The following FCAMR variants were observed in gnomAD, a reference collection of about 807,000 sequenced individuals.
The protein encoded by FCAMR is Fc alpha and mu receptor.
Under a neutral mutation model 52.2 loss-of-function variants are expected in FCAMR, and 51 were observed. The ratio of observed to expected loss-of-function variants is 0.98; its 90% CI spans 0.78 to 1.23. The LOEUF is 1.23. Ranked by LOEUF, FCAMR falls within the 50% of genes most tolerant of loss-of-function variation. FCAMR has a pLI of 0.00. For synonymous variants in FCAMR, 282 were observed against 262.0 expected (o/e 1.08, Z -0.74); for missense variants, 719 against 712.6 (o/e 1.01, Z -0.10).
Position 206,960,234 on chromosome 1 carries a change from C to A in FCAMR, c.1454+188G>T, listed in dbSNP as rs73072444. The stretch of plus-strand genomic sequence containing the variant: ...TATCATTTAGATATCACTTGAAAAC[C>A]ACATGGAAATACTCAGGGAGCGTTC... On this transcript the variant is annotated intron_variant, in intron 6 of 7. Coordinates refer to ENST00000324852, the MANE Select transcript of FCAMR (RefSeq NM_001170631.2). 2.1e-3 allele frequency: 1,250 copies of A among 599,226 alleles called. 19 individuals are homozygous for A. The African/African-American group carries it at 0.021, about 10-fold the overall frequency. 37.1% of individuals were successfully genotyped at this position (599,226 alleles called of 1,614,324 possible).
chr1:206,965,921 A>G, intron 3 of FCAMR, 63 bp from the exon 4 acceptor site: 1 of 1,606,856 alleles, frequency 6.2e-7, no homozygotes, highest in Non-Finnish European at 8.5e-7. Context: ...AGGCACCTAC[A>G]GAGGAAGAAG....
chr1:206,965,815 C>A lies in FCAMR; in HGVS notation c.213G>T (p.Trp71Cys). The part of the protein sequence containing the change: ...ALPQKRPHPR[W>C]LWEGSLPSRT... ...TGGAGGGGAGAGAGCCCTCCCACAG[C>A]CATCTCGGATGGGGTCTTTTTTGTG... The change falls in exon 4 of 8, where the codon TGG (tryptophan) becomes TGT (cysteine). Residue 71 changes from tryptophan (W) to cysteine (C), a missense_variant. By Grantham distance (215) the Trp-to-Cys change is radical (BLOSUM62 -2). Coordinates refer to ENST00000324852, the MANE Select transcript of FCAMR (RefSeq NM_001170631.2). The A allele has an allele frequency of 6.2e-7, 1 of 1,602,020 alleles. No individual in the cohort carries two copies. Among genetic ancestry groups the A allele is most frequent in the East Asian group, 2.3e-5 (1 of 43,610 alleles).
At position 206,962,551 on chromosome 1, in the gene FCAMR, G is replaced by A; in HGVS notation, c.314C>T (p.Ala105Val). The A allele has an allele frequency of 6.5e-7, 1 of 1,539,076 alleles. No individual in the cohort carries two copies. Among genetic ancestry groups the A allele is most frequent in the Non-Finnish European group, 8.8e-7 (1 of 1,138,546 alleles). Reference sequence around the variant, plus strand: ...CCTTGAGCCCTTCAATGAATTTGGAGCTGCAGACAGAGAAGGAAGTCAAAG... The same window carrying A: ...CCTTGAGCCCTTCAATGAATTTGGAACTGCAGACAGAGAAGGAAGTCAAAG... Reference protein sequence around the residue: ...LCWREESSFAAPNSLKGSRLV... With the variant: ...LCWREESSFAVPNSLKGSRLV... Residue 105 changes from alanine to valine, a missense_variant and splice_region_variant, in exon 5 of 8, where the codon GCT becomes GTT. Transcript: ENST00000324852.
chr1:206,965,824 A>G lies in FCAMR; in HGVS notation c.204T>C (p.His68=), dbSNP rs754214951. The change falls in exon 4 of 8, where the codon CAT becomes CAC. Residue 68 remains histidine, a synonymous_variant. Transcript: ENST00000324852. The part of the protein sequence containing the change: ...SSFALPQKRP[H]PRWLWEGSLP... The stretch of plus-strand genomic sequence containing the variant: ...GAGAGCCCTCCCACAGCCATCTCGG[A>G]TGGGGTCTTTTTTGTGGAAGGGCGA... 5 of 1,604,286 alleles carry G rather than the reference A, an allele frequency of 3.1e-6. No individual in the cohort carries two copies. The East Asian group carries it at 1.1e-4, about 37-fold the overall frequency.
intron 6 of FCAMR, chr1:206,960,192 C>A (rs1680445885): frequency 3.6e-6 from 2 of 557,806 alleles, no homozygotes; most frequent in African/African-American, 1.9e-5. Flanking sequence ...AAGGTTCCAG[C>A]CTAAATATTG....
Position 206,970,156 on chromosome 1 carries a change from TTTC to T in FCAMR, c.-34_-32del. On this transcript the variant is annotated 5_prime_UTR_variant, in exon 1 of 8. Transcript: ENST00000324852. ...TCCAGAAACAAGATCCAGGTGGACT[TTTC>T]TTCTCCTTATGAGATGCAGGTGTTT... 6.2e-7 allele frequency: 1 copy of T among 1,613,474 alleles called. No individual in the cohort carries two copies.
At chr1:206,966,977 A>G (rs898130117) in intron 3 of FCAMR, 75 bp downstream of exon 3, 1 of 1,454,652 alleles carries the variant, frequency 6.9e-7, no homozygotes, top group African/African-American at 1.4e-5. Flanking sequence ...CCAGCCTGTG[A>G]GGACCTTTAG....
chr1:206,962,581 G>A (rs1226655822), intron 4 of FCAMR, 30 bp from the exon 5 acceptor site: 2 of 1,485,684 alleles, frequency 1.3e-6, no homozygotes, highest in Non-Finnish European at 1.8e-6. Flanking sequence ...TCAAAGGAGA[G>A]GAAGTGGTGA....
At chr1:206,966,551 A>T (rs1445067794) in intron 3 of FCAMR, among the ~76,000 whole-genome samples, 1 of 152,058 alleles carries the variant, frequency 6.6e-6, no homozygotes, top group Non-Finnish European at 1.5e-5. Context: ...AGGCCCGGCT[A>T]ATTTTTGTAT....
intron 1 of FCAMR, chr1:206,969,247 A>T (rs776403400): frequency 2.2e-6 from 1 of 455,550 alleles, no homozygotes; most frequent in Non-Finnish European, 4.4e-6. Context: ...CTCTGAAGTC[A>T]CCGGTGCAGC....
At position 206,967,037 on chromosome 1, in the gene FCAMR, G is replaced by A. The variant is rs1286873597; in HGVS notation, c.169+15C>T. On this transcript the variant is annotated intron_variant, in intron 3 of 7. Coordinates refer to ENST00000324852, the MANE Select transcript of FCAMR (RefSeq NM_001170631.2). ...GTTTTGTAAGCCCTGAACCTGGGCTGGGTTTGGGACTCACCTTGTAGCAGG... is the reference window on the plus strand; with the variant it reads ...GTTTTGTAAGCCCTGAACCTGGGCTAGGTTTGGGACTCACCTTGTAGCAGG... The A allele has an allele frequency of 4.3e-6, 7 of 1,613,430 alleles. No individual in the cohort carries two copies. Among genetic ancestry groups the A allele is most frequent in the African/African-American group, 4.0e-5 (3 of 74,894 alleles).
chr1:206,970,048 A>G, intron 1 of FCAMR, 39 bp downstream of exon 1: 1 of 1,613,288 alleles, frequency 6.2e-7, no homozygotes, highest in Non-Finnish European at 8.5e-7. Flanking sequence ...CCACATTCAG[A>G]GGCAAGATCC....
chr1:206,958,952 C>G, intron 7 of FCAMR: 1 of 584,004 alleles, frequency 1.7e-6, no homozygotes, highest in Non-Finnish European at 3.3e-6. Context: ...TTTAAGAGTA[C>G]TTAAACCTGG....
At position 206,965,750 on chromosome 1, in the gene FCAMR, G is replaced by A. The variant is rs1328586405; in HGVS notation, c.278C>T (p.Ser93Leu). Residue 93 changes from serine to leucine, a missense_variant, in exon 4 of 8, where the codon TCG becomes TTG. By Grantham distance (145) the Ser-to-Leu change is moderately radical. Coordinates refer to ENST00000324852, the MANE Select transcript of FCAMR (RefSeq NM_001170631.2). ...LRAMGTLRPS[S>L]PLCWREESSF... ...GCTCTCCTCCCGCCAGCAGAGGGGC[G>A]AGGAAGGCCTGAGTGTTCCCATGGC... The A allele has an allele frequency of 1.5e-5, 24 of 1,579,950 alleles. No homozygotes were observed. The highest frequency in any genetic ancestry group is 2.0e-5 in the Admixed American group (1 of 51,102).
intron 2 of FCAMR, 75 bp downstream of exon 2, chr1:206,967,508 A>C: frequency 6.8e-7 from 1 of 1,468,894 alleles, no homozygotes; most frequent in Non-Finnish European, 9.5e-7. Context: ...GGACCTTGGA[A>C]GGTTAGTCTC....
chr1:206,966,969 A>T, intron 3 of FCAMR, 83 bp downstream of exon 3: 1 of 1,365,318 alleles, frequency 7.3e-7, no homozygotes, highest in Non-Finnish European at 1.0e-6. Flanking sequence ...TTACCATACC[A>T]GCCTGTGAGG....
At chr1:206,966,124 G>A (rs747166539) in intron 3 of FCAMR, among the ~76,000 whole-genome samples, 1 of 152,200 alleles carries the variant, frequency 6.6e-6, no homozygotes. Context: ...TTCCTGGACT[G>A]CAGGCCTTGA....
rs151021758 is a variant in FCAMR at position 206,959,748 on chromosome 1, T to C, written c.1504A>G (p.Thr502Ala). 0.01 allele frequency: 16,743 copies of C among 1,613,948 alleles called. 140 individuals carry two copies. Among genetic ancestry groups the C allele is most frequent in the Non-Finnish European group, 0.012 (13,693 of 1,179,974 alleles). ...SSSRTLAPVS[T>A]MLALFMLMAL... ...ATAAGCATAAACAGGGCCAGCATGG[T>C]AGAGACAGGAGCCAGGGTCCGAGAG... The change falls in exon 7 of 8, where the codon ACC becomes GCC. Residue 502 changes from threonine to alanine, a missense_variant. Coordinates refer to ENST00000324852, the MANE Select transcript of FCAMR (RefSeq NM_001170631.2).
At chr1:206,962,685 A>G (rs1680559707) in intron 4 of FCAMR, 134 bp from the exon 5 acceptor site, 1 of 712,324 alleles carries the variant, frequency 1.4e-6, no homozygotes, top group Non-Finnish European at 2.2e-6. Context: ...AGCAGAATCA[A>G]TATAAAAATG....
Sources: allele counts gnomAD v4.1 joint callset (sites outside exome capture counted in the v4.1 genomes callset), GRCh38; gene constraint gnomAD v4.1.1; transcripts MANE v1.5; gene names NCBI Gene and HGNC (gene_info 2026-07-23, HGNC 2026-07-21).